COL25A1: variants seen among roughly 807,000 people sequenced by gnomAD.
The protein encoded by COL25A1 is collagen type XXV alpha 1 chain.
A neutral mutation model predicts 128.4 loss-of-function variants in COL25A1; 103 were observed. The ratio of observed to expected loss-of-function variants is 0.80; its 90% CI spans 0.68 to 0.94. The LOEUF (loss-of-function observed/expected upper bound fraction) is 0.94, where lower values mean the gene tolerates loss of function less well. Among genes scored for constraint, COL25A1 ranks in the 40% least tolerant of loss-of-function variants. The pLI is 0.00. For missense variants in COL25A1, 745 were observed against 840.0 expected, an observed-to-expected ratio of 0.89 and a Z score of 1.40; for synonymous variants, 279 against 277.2, an observed-to-expected ratio of 1.01 and a Z score of -0.06.
chr4:109,225,996 TACACACACACACACAC>T lies in COL25A1; in HGVS notation c.367+74571_367+74586del, dbSNP rs10642927. Among the ~76,000 whole-genome samples, 30 of 147,062 alleles carry T rather than the reference TACACACACACACACAC, an allele frequency of 2.0e-4. No individual in the cohort carries two copies. The South Asian group carries it at 6.5e-3, about 32-fold the overall frequency. On this transcript the variant is annotated intron_variant, in intron 3 of 37. Coordinates refer to ENST00000399132, the MANE Select transcript of COL25A1 (RefSeq NM_198721.4). ...CAATAGTATTCCGTTGTATTTGTAA[TACACACACACACACAC>T]ACACACACACACACACAACGGAATA...
chr4:108,939,167 A>G (rs1394963941), intron 10 of COL25A1, among the ~76,000 whole-genome samples: 2 of 152,218 alleles, frequency 1.3e-5, no homozygotes, highest in African/African-American at 4.8e-5. Flanking sequence ...GGTTTTAACT[A>G]CTTTTTGAAG....
At chr4:108,879,780 G>A (rs1442485796) in intron 19 of COL25A1, among the ~76,000 whole-genome samples, 3 of 151,062 alleles carry the variant, frequency 2.0e-5, no homozygotes, top group Admixed American at 6.6e-5. Flanking sequence ...AAAAGCAAGT[G>A]CTGAAAATCT....
intron 3 of COL25A1, among the ~76,000 whole-genome samples, chr4:109,126,266 G>A (rs140153030): frequency 3.3e-5 from 5 of 152,198 alleles, no homozygotes; most frequent in Non-Finnish European, 7.4e-5. Flanking sequence ...AGTCATCAGA[G>A]ATTATTAACT....
At chr4:109,211,355 T>C (rs1456278742) in intron 3 of COL25A1, among the ~76,000 whole-genome samples, 9 of 141,104 alleles carry the variant, frequency 6.4e-5, no homozygotes. Flanking sequence ...ACAAAAAGTA[T>C]TTTTTAAAGC....
chr4:108,885,980 C>T lies in COL25A1; in HGVS notation c.976-1758G>A, dbSNP rs149148708. Reference sequence around the variant, plus strand: ...ACACGCATGCATACATAGACACACACCCATGTTTTTAATCAAGAAAAAGAT... The same window carrying T: ...ACACGCATGCATACATAGACACACATCCATGTTTTTAATCAAGAAAAAGAT... On this transcript the variant is annotated intron_variant, in intron 18 of 37. Transcript: ENST00000399132. Among the ~76,000 whole-genome samples the T allele has an allele frequency of 6.4e-3, 980 of 152,220 alleles. 7 individuals are homozygous for T. Among genetic ancestry groups the T allele is most frequent in the South Asian group, 0.015 (70 of 4,816 alleles).
intron 6 of COL25A1, among the ~76,000 whole-genome samples, chr4:108,987,422 C>T (rs1379874274): frequency 7.4e-5 from 11 of 149,564 alleles, no homozygotes; most frequent in African/African-American, 1.7e-4. Context: ...GTCGCCCAGG[C>T]TGGAGTGCAG....
chr4:108,853,018 TG>T, intron 24 of COL25A1, 93 bp from the exon 25 acceptor site: 1 of 1,136,078 alleles, frequency 8.8e-7, no homozygotes, highest in East Asian at 2.4e-5. Flanking sequence ...TTTTTGAATA[TG>T]TTTGGCTAGT....
intron 3 of COL25A1, among the ~76,000 whole-genome samples, chr4:109,231,845 GT>G (rs778529554): frequency 1.3e-5 from 2 of 152,114 alleles, no homozygotes; most frequent in East Asian, 3.8e-4. Flanking sequence ...TGCTGAATTT[GT>G]TTTTTTATGT....
intron 3 of COL25A1, among the ~76,000 whole-genome samples, chr4:109,270,154 T>C (rs1208347142): frequency 3.9e-5 from 6 of 152,116 alleles, no homozygotes; most frequent in Non-Finnish European, 7.4e-5. Flanking sequence ...CTTTAAAAAC[T>C]GGCACAAGAC....
chr4:108,909,600 A>G (rs958606491), intron 13 of COL25A1, among the ~76,000 whole-genome samples: 2 of 152,278 alleles, frequency 1.3e-5, no homozygotes, highest in African/African-American at 4.8e-5. Context: ...TCATGTAGAC[A>G]GAAATATCTA....
chr4:109,052,480 G>C (rs1028343262), intron 3 of COL25A1, among the ~76,000 whole-genome samples: 1 of 152,088 alleles, frequency 6.6e-6, no homozygotes, highest in East Asian at 1.9e-4. Flanking sequence ...TTTAAACTAA[G>C]TTATGAGAAG....
rs3108950 is a variant in COL25A1 at position 109,116,504 on chromosome 4, A to G, written c.368-66325T>C. ...GCTTACCAAAAACTGAGACCTAATC[A>G]TAGAATTGTAGAACTCTCCTCCTCT... On this transcript the variant is annotated intron_variant, in intron 3 of 37. Transcript: ENST00000399132. Among the ~76,000 whole-genome samples, 617 of 152,098 alleles carry G rather than the reference A, an allele frequency of 4.1e-3. 4 individuals are homozygous for G. The highest frequency in any genetic ancestry group is 0.014 in the African/African-American group (591 of 41,518).
intron 3 of COL25A1, among the ~76,000 whole-genome samples, chr4:109,114,870 G>A (rs905919809): frequency 1.3e-5 from 2 of 152,010 alleles, no homozygotes; most frequent in Non-Finnish European, 2.9e-5. Flanking sequence ...CCAAAAGAAG[G>A]AGTGGCTATC....
chr4:108,906,318 C>T (rs1443058959), intron 13 of COL25A1, among the ~76,000 whole-genome samples: 3 of 152,120 alleles, frequency 2.0e-5, no homozygotes, highest in Non-Finnish European at 2.9e-5. Context: ...TCTAACGGAC[C>T]TCCTATGTTT....
chr4:109,120,719 G>T (rs1407883836), intron 3 of COL25A1, among the ~76,000 whole-genome samples: 2 of 151,872 alleles, frequency 1.3e-5, no homozygotes, highest in African/African-American at 4.8e-5. Context: ...TGAGGTGGAA[G>T]GATCAATTGA....
At chr4:109,197,947 AT>A (rs1178763409) in intron 3 of COL25A1, among the ~76,000 whole-genome samples, 1 of 152,164 alleles carries the variant, frequency 6.6e-6, no homozygotes, top group South Asian at 2.1e-4. Flanking sequence ...TATGTTGTCA[AT>A]ATTACATTCA....
chr4:109,162,164 TATATC>T (rs1364405496), intron 3 of COL25A1, among the ~76,000 whole-genome samples: 2 of 152,066 alleles, frequency 1.3e-5, no homozygotes, highest in African/African-American at 4.8e-5. Flanking sequence ...ACAGGGGAAA[TATATC>T]AGGAAAGGCT....
intron 3 of COL25A1, among the ~76,000 whole-genome samples, chr4:109,278,165 T>C (rs577085569): frequency 6.6e-6 from 1 of 152,158 alleles, no homozygotes; most frequent in African/African-American, 2.4e-5. Flanking sequence ...ATTACTTTAA[T>C]GAGCTTGAGC....
intron 19 of COL25A1, among the ~76,000 whole-genome samples, chr4:108,874,876 GT>G (rs1000448641): frequency 2.6e-4 from 39 of 151,958 alleles, no homozygotes; most frequent in African/African-American, 7.5e-4. Context: ...ACTTTAATCC[GT>G]TTTTTTTCCC....
Sources: allele counts gnomAD v4.1 joint callset (sites outside exome capture counted in the v4.1 genomes callset), GRCh38; gene constraint gnomAD v4.1.1; transcripts MANE v1.5; gene names NCBI Gene and HGNC (gene_info 2026-07-23, HGNC 2026-07-21).